MAGI2: variants seen among roughly 807,000 people sequenced by gnomAD.
MAGI2 encodes the protein membrane-associated guanylate kinase, WW and PDZ domain-containing protein 2.
MAGI2 carries 35 observed loss-of-function variants against 133.3 expected under a neutral mutation model. The ratio of observed to expected loss-of-function variants is 0.26; its 90% confidence interval spans 0.20 to 0.35. MAGI2 has a LOEUF of 0.35. Among genes scored for constraint, MAGI2 ranks in the 10% least tolerant of loss-of-function variants. MAGI2 has a pLI of 1.00. For missense variants in MAGI2, 1,636 were observed against 1,863.4 expected (o/e 0.88, Z 2.25); for synonymous variants, 729 against 710.6 (o/e 1.03, Z -0.41).
At chr7:78,997,862 C>T (rs557661288) in intron 2 of MAGI2, among the ~76,000 whole-genome samples, 1 of 152,222 alleles carries the variant, frequency 6.6e-6, no homozygotes, top group South Asian at 2.1e-4. Context: ...TTAGAAGGCA[C>T]TATATTCAAT....
intron 1 of MAGI2, among the ~76,000 whole-genome samples, chr7:79,236,373 A>C (rs1831924609): frequency 6.6e-6 from 1 of 152,204 alleles, no homozygotes; most frequent in South Asian, 2.1e-4. Context: ...TCTAAAGGGG[A>C]ATCACAGTAA....
intron 2 of MAGI2, among the ~76,000 whole-genome samples, chr7:78,651,691 A>T (rs998227729): frequency 6.6e-6 from 1 of 152,104 alleles, no homozygotes; most frequent in Non-Finnish European, 1.5e-5. Context: ...TAAAATGATG[A>T]TCTAAGGCAA....
At chr7:78,804,204 A>G (rs1788315906) in intron 2 of MAGI2, among the ~76,000 whole-genome samples, 1 of 139,700 alleles carries the variant, frequency 7.2e-6, no homozygotes, top group Non-Finnish European at 1.6e-5. Flanking sequence ...GTGACTGGAA[A>G]TGGCTTCTGA....
At chr7:79,120,618 G>A (rs999397111) in intron 1 of MAGI2, among the ~76,000 whole-genome samples, 2 of 152,000 alleles carry the variant, frequency 1.3e-5, no homozygotes, top group Non-Finnish European at 2.9e-5. Flanking sequence ...ATTTACAGAA[G>A]CATGGTGAGT....
chr7:78,729,594 T>C (rs1821170432), intron 2 of MAGI2, among the ~76,000 whole-genome samples: 1 of 152,304 alleles, frequency 6.6e-6, no homozygotes, highest in South Asian at 2.1e-4. Context: ...GTGCTAAGGA[T>C]ACAGTGGTGT....
At chr7:78,572,393 T>C (rs1801592374) in intron 3 of MAGI2, among the ~76,000 whole-genome samples, 1 of 152,128 alleles carries the variant, frequency 6.6e-6, no homozygotes, top group Non-Finnish European at 1.5e-5. Flanking sequence ...AGGTAAGGCA[T>C]ATCAGACAGA....
At chr7:78,887,546 A>G (rs1423599386) in intron 2 of MAGI2, among the ~76,000 whole-genome samples, 2 of 152,258 alleles carry the variant, frequency 1.3e-5, no homozygotes, top group Non-Finnish European at 2.9e-5. Context: ...AAAACAAAAC[A>G]TGCTTTATGA....
intron 3 of MAGI2, among the ~76,000 whole-genome samples, chr7:78,567,392 C>CTA (rs1801051465): frequency 8.1e-6 from 1 of 123,082 alleles, no homozygotes; most frequent in South Asian, 2.8e-4. Flanking sequence ...AGCCTACACA[C>CTA]TACACACACA....
intron 20 of MAGI2, among the ~76,000 whole-genome samples, chr7:78,123,111 C>T (rs959911656): frequency 2.6e-5 from 4 of 152,102 alleles, no homozygotes; most frequent in African/African-American, 4.8e-5. Flanking sequence ...AGCAAGCAGA[C>T]GTGACAATGA....
rs554010061 is a variant in MAGI2 at position 78,529,668 on chromosome 7, G to GTTTTTTTTTTTTTTTTTTTTTTT, written c.539-8046_539-8024dup. ...TTTCTTTTCCTTGCTAAAGGAGATG[G>GTTTTTTTTTTTTTTTTTTTTTTT]TTTTTTTTTTTTTTTTTTTTTTTTT... On this transcript the variant is annotated intron_variant, in intron 3 of 21. Transcript: ENST00000354212. Among the ~76,000 whole-genome samples the GTTTTTTTTTTTTTTTTTTTTTTT allele has an allele frequency of 8.7e-4, 50 of 57,422 alleles. 12 individuals are homozygous for GTTTTTTTTTTTTTTTTTTTTTTT. Among genetic ancestry groups the GTTTTTTTTTTTTTTTTTTTTTTT allele is most frequent in the African/African-American group, 1.2e-3 (21 of 18,088 alleles). The allele number at this position is 57,422 out of a possible 152,430, so 37.7% of individuals were successfully genotyped here.
At chr7:78,588,030 A>G (rs1012961668) in intron 3 of MAGI2, among the ~76,000 whole-genome samples, 1 of 152,188 alleles carries the variant, frequency 6.6e-6, no homozygotes, top group African/African-American at 2.4e-5. Context: ...GTGACTCTAG[A>G]CAAGGAATCT....
intron 2 of MAGI2, among the ~76,000 whole-genome samples, chr7:78,950,095 T>C (rs1374337138): frequency 6.6e-6 from 1 of 152,086 alleles, no homozygotes. Context: ...CTCCCCTCTC[T>C]TTTCCTCCCT....
At chr7:78,773,324 T>TG (rs780469319) in intron 2 of MAGI2, among the ~76,000 whole-genome samples, 104 of 149,110 alleles carry the variant, frequency 7.0e-4, no homozygotes, top group Middle Eastern at 3.5e-3. Flanking sequence ...GACAGGCCAG[T>TG]CCCAAAAAAA....
At chr7:78,195,148 C>T in intron 11 of MAGI2, 85 bp from the exon 12 acceptor site, 1 of 1,164,610 alleles carries the variant, frequency 8.6e-7, no homozygotes, top group South Asian at 1.9e-5. Context: ...ACCTTTTTTG[C>T]CTTGTGGACT....
intron 1 of MAGI2, among the ~76,000 whole-genome samples, chr7:79,182,973 C>T (rs1390809675): frequency 6.6e-6 from 1 of 151,796 alleles, no homozygotes; most frequent in Non-Finnish European, 1.5e-5. Context: ...TTCTCATTCC[C>T]ATATGTGAGA....
intron 2 of MAGI2, among the ~76,000 whole-genome samples, chr7:78,751,002 T>C (rs1014656807): frequency 2.3e-4 from 35 of 152,138 alleles, no homozygotes; most frequent in African/African-American, 6.8e-4. Flanking sequence ...AAGATTTGTC[T>C]CTCTAGACAG....
At chr7:78,529,423 T>A (rs562335654) in intron 3 of MAGI2, among the ~76,000 whole-genome samples, 8 of 152,250 alleles carry the variant, frequency 5.3e-5, no homozygotes, top group South Asian at 4.1e-4. Context: ...CGGAAAGAAA[T>A]TATAAAGAAG....
intron 9 of MAGI2, among the ~76,000 whole-genome samples, chr7:78,326,264 T>C (rs558899055): frequency 1.3e-5 from 2 of 152,328 alleles, no homozygotes; most frequent in South Asian, 4.1e-4. Context: ...TGAACCTGGA[T>C]TGCCTAATAA....
At chr7:78,569,125 A>AACAAAC (rs113757914) in intron 3 of MAGI2, among the ~76,000 whole-genome samples, 1 of 147,980 alleles carries the variant, frequency 6.8e-6, no homozygotes, top group Non-Finnish European at 1.5e-5. Context: ...TGTGCATGCC[A>AACAAAC]ACACACACAC....
Sources: gnomAD v4.1 joint callset for allele counts (sites outside exome capture counted in the v4.1 genomes callset) on GRCh38, gnomAD v4.1.1 for gene constraint, MANE v1.5 for transcripts, NCBI Gene and HGNC (gene_info 2026-07-23, HGNC 2026-07-21) for gene names.